Variants in ARMCX4 observed in about 807,000 individuals in gnomAD.
ARMCX4 encodes armadillo repeat containing X-linked 4.
ARMCX4 carries 3 observed loss-of-function variants against 34.7 expected under a neutral mutation model. That is an observed-to-expected ratio of 0.09 (90% CI 0.04 to 0.22). ARMCX4 has a LOEUF of 0.22. Among genes scored for constraint, ARMCX4 ranks in the 10% least tolerant of loss-of-function variants. The probability of loss-of-function intolerance (pLI) is 1.00; values close to 1 mark genes in which losing one functional copy is unlikely to be tolerated. For synonymous variants in ARMCX4, 513 were observed against 632.8 expected, an observed-to-expected ratio of 0.81 and a Z score of 2.84; for missense variants, 1,448 against 1,720.8, an observed-to-expected ratio of 0.84 and a Z score of 2.81.
chrX:101,475,599 A>C (rs1933151735), intron 4 of ARMCX4, among the ~76,000 whole-genome samples: 1 of 111,860 alleles, frequency 8.9e-6, no homozygotes, highest in African/African-American at 3.2e-5. Flanking sequence ...AAAAAGAGAC[A>C]GTGACTCTCA....
intron 2 of ARMCX4, among the ~76,000 whole-genome samples, chrX:101,429,508 G>T (rs1302656420): frequency 1.8e-5 from 2 of 109,173 alleles, no homozygotes; most frequent in African/African-American, 3.3e-5. Flanking sequence ...GCTAATTTTT[G>T]TATTTTTAGT....
intron 7 of ARMCX4, among the ~76,000 whole-genome samples, chrX:101,503,535 A>G (rs1934360920): frequency 8.9e-6 from 1 of 112,198 alleles, no homozygotes; most frequent in Non-Finnish European, 1.9e-5. Flanking sequence ...TCTGATGGCC[A>G]GTGGTGATGA....
chrX:101,478,310 A>G (rs1340355380), intron 4 of ARMCX4, among the ~76,000 whole-genome samples: 1 of 112,389 alleles, frequency 8.9e-6, no homozygotes, highest in Non-Finnish European at 1.9e-5. Context: ...TACAAGGTCA[A>G]CATTCAGAAA....
chrX:101,519,073 G>A (rs1422654929), intron 11 of ARMCX4, among the ~76,000 whole-genome samples: 1 of 110,680 alleles, frequency 9.0e-6, no homozygotes, highest in Non-Finnish European at 1.9e-5. Context: ...TATATATTAG[G>A]CATTTTAACT....
Position 101,492,232 on chromosome X carries a change from G to A in ARMCX4, c.3643G>A (p.Ala1215Thr). The change falls in exon 6 of 6, where the codon GCT becomes ACT. Residue 1215 changes from alanine to threonine, a missense_variant. Physicochemically the swap from Ala to Thr is moderately conservative, Grantham distance 58. This residue lies in a region of ARMCX4 where 1,343 missense variants were observed against 1,540.7 expected (regional missense o/e 0.87). Coordinates refer to ENST00000423738, the MANE Select transcript of ARMCX4 (RefSeq NM_001256155.3). ...DKASGGAWTGAENQASGGSWA... is the reference protein window; with the variant it reads ...DKASGGAWTGTENQASGGSWA... ...GGCCAGTGGAGGAGCCTGGACTGGG[G>A]CTGAGAACCAGGCCAGTGGGGGGTC... The A allele has an allele frequency of 8.8e-7, 1 of 1,140,827 alleles. No individual in the cohort carries two copies. Among genetic ancestry groups the A allele is most frequent in the Non-Finnish European group, 1.2e-6 (1 of 865,341 alleles). The allele number at this position is 1,140,827 out of a possible 1,213,427, so 94.0% of individuals were successfully genotyped here. A position where few individuals can be genotyped will look rare whatever the true frequency, so the allele number is the denominator to read the frequency against.
At chrX:101,433,108 GTATACACA>G (rs1555992942) in intron 2 of ARMCX4, among the ~76,000 whole-genome samples, 30 of 90,782 alleles carry the variant, frequency 3.3e-4, no homozygotes, top group East Asian at 1.4e-3. Flanking sequence ...ACATACGCAC[GTATACACA>G]TGTATGTATA....
At chrX:101,432,489 C>T (rs781850972) in intron 2 of ARMCX4, among the ~76,000 whole-genome samples, 12 of 109,880 alleles carry the variant, frequency 1.1e-4, no homozygotes, top group Admixed American at 4.9e-4. Context: ...GGTGAAACCC[C>T]GTCTCTACTG....
rs1488078181 is a variant in ARMCX4, at chrX:101,489,145, A to T, written c.556A>T (p.Thr186Ser). ...AKTEAKREAM[T>S]QTKAETHILA... ...GACAGAGGCCAAGAGAGAAGCAATG[A>T]CCCAGACCAAAGCTGAAACTCATAT... Residue 186 changes from threonine (T) to serine (S), a missense_variant, in exon 6 of 6, where the codon ACC becomes TCC. Physicochemically the swap from Thr to Ser is moderately conservative, Grantham distance 58 (BLOSUM62 1). Transcript: ENST00000423738. The T allele has an allele frequency of 4.3e-6, 5 of 1,154,820 alleles. No individual in the cohort carries two copies. In the African/African-American group the frequency reaches 8.9e-5, roughly 21 times the overall value.
At chrX:101,525,897 C>G (rs185938646) in intron 11 of ARMCX4, among the ~76,000 whole-genome samples, 2 of 111,651 alleles carry the variant, frequency 1.8e-5, no homozygotes, top group East Asian at 5.6e-4. Context: ...GAACCAAGTT[C>G]GAAAACACTC....
chrX:101,502,151 G>A (rs144269429), intron 7 of ARMCX4, among the ~76,000 whole-genome samples: 162 of 112,353 alleles, frequency 1.4e-3, no homozygotes, highest in African/African-American at 4.7e-3. Flanking sequence ...ACATCTAGTG[G>A]CCATGCAGCC....
intron 8 of ARMCX4, among the ~76,000 whole-genome samples, chrX:101,509,141 A>G (rs1051978065): frequency 8.9e-6 from 1 of 112,308 alleles, no homozygotes; most frequent in Admixed American, 9.5e-5. Context: ...TAAATTAGGT[A>G]TTCCAACAAT....
chrX:101,477,266 C>T (rs1871275057), intron 4 of ARMCX4, among the ~76,000 whole-genome samples: 1 of 106,776 alleles, frequency 9.4e-6, no homozygotes, highest in African/African-American at 3.4e-5. Context: ...ATGGTGAAAC[C>T]TCATCTCTAC....
chrX:101,425,847 G>A (rs1374213835), intron 2 of ARMCX4, among the ~76,000 whole-genome samples: 3 of 110,633 alleles, frequency 2.7e-5, no homozygotes, highest in Non-Finnish European at 5.7e-5. Context: ...TTGAGACAGG[G>A]TCTCACGCTG....
At chrX:101,455,840 G>A (rs1004494127) in intron 4 of ARMCX4, among the ~76,000 whole-genome samples, 1 of 110,577 alleles carries the variant, frequency 9.0e-6, no homozygotes, top group African/African-American at 3.3e-5. Flanking sequence ...ATTCCCCAGT[G>A]TCTGTTGTTT....
chrX:101,420,018 T>A (rs1419714006), intron 2 of ARMCX4, among the ~76,000 whole-genome samples: 1 of 112,384 alleles, frequency 8.9e-6, no homozygotes, highest in Non-Finnish European at 1.9e-5. Context: ...CAGACAGTGC[T>A]TCTAGTAGTA....
rs935105940 is a variant in ARMCX4, at chrX:101,441,060, G to A, written n.165-2992G>A. On this transcript the variant is annotated intron_variant and non_coding_transcript_variant, in intron 2 of 3. Coordinates refer to the ARMCX4 transcript ENST00000430461. ...AATGCAGAAATCACCTGTCTTCTGC[G>A]TCCCTCACGCTGGGAGCTGTAGACT... 8.1e-5 allele frequency among the ~76,000 whole-genome samples: 9 copies of A among 111,010 alleles called. No homozygotes were observed. The East Asian group carries it at 8.5e-4, about 11-fold the overall frequency.
chrX:101,477,784 T>TA (rs1174507942), intron 4 of ARMCX4, among the ~76,000 whole-genome samples: 1 of 111,450 alleles, frequency 9.0e-6, no homozygotes, highest in African/African-American at 3.3e-5. Flanking sequence ...AGCAGTTTAT[T>TA]AAAAAAAATT....
chrX:101,494,239 G>A lies in ARMCX4; in HGVS notation c.5650G>A (p.Glu1884Lys). The A allele has an allele frequency of 2.6e-6, 3 of 1,154,204 alleles. No homozygotes were observed. The highest frequency in any genetic ancestry group is 3.4e-6 in the Non-Finnish European group (3 of 871,575). ...CTGGACCTTGGCTAGGAATGTGGGA[G>A]AGGATGAGCTAAGTAGAGAGTCCAG... ...ESWTLARNVG[E>K]DELSRESSPD... The change falls in exon 6 of 6, where the codon GAG becomes AAG. Residue 1884 changes from glutamate to lysine, a missense_variant. Glu to Lys is a moderately conservative substitution (Grantham distance 56). Around this residue, in one of 2 missense-constraint regions of ARMCX4, gnomAD observed 1,343 missense variants for 1,540.7 expected, o/e 0.87. Transcript: ENST00000423738.
chrX:101,478,117 A>G (rs1832009584), intron 4 of ARMCX4, among the ~76,000 whole-genome samples: 1 of 112,225 alleles, frequency 8.9e-6, no homozygotes, highest in Non-Finnish European at 1.9e-5. Flanking sequence ...ACTATTCAAC[A>G]TTACTCTGGA....
Sources: allele counts gnomAD v4.1 joint callset (sites outside exome capture counted in the v4.1 genomes callset), GRCh38; gene constraint gnomAD v4.1.1; regional missense constraint gnomAD v4.1.1; transcripts MANE v1.5; gene names NCBI Gene and HGNC (gene_info 2026-07-23, HGNC 2026-07-21).